USP30: variants seen among roughly 807,000 people sequenced by gnomAD.
USP30 encodes the protein ubiquitin specific peptidase 30, also known as ubiquitin carboxyl-terminal hydrolase 30.
A neutral mutation model predicts 68.2 loss-of-function variants in USP30; 41 were observed. The observed-to-expected ratio is 0.60, with a 90% CI of 0.47 to 0.78. USP30 has a LOEUF of 0.78. USP30 is among the 30% of genes least tolerant of loss of function. The pLI, the probability that USP30 is intolerant of heterozygous loss-of-function variation, is 0.00. For synonymous variants in USP30, 229 were observed against 253.7 expected, an observed-to-expected ratio of 0.90 and a Z score of 0.93; for missense variants, 522 against 649.4, an observed-to-expected ratio of 0.80 and a Z score of 2.13.
rs1566105466 is a variant in USP30 at position 109,081,619 on chromosome 12, GCGCGCACACA to G, written c.780+228_780+237del. 22 of 490,560 alleles carry G rather than the reference GCGCGCACACA, an allele frequency of 4.5e-5. No individual in the cohort carries two copies. In the African/African-American group the frequency reaches 5.7e-4, roughly 13 times the overall value. 30.4% of individuals were successfully genotyped at this position (490,560 alleles called of 1,614,324 possible). A position where few individuals can be genotyped will look rare whatever the true frequency, so the allele number is the denominator to read the frequency against. On this transcript the variant is annotated intron_variant, in intron 8 of 12. Transcript: ENST00000257548. ...GCTTTTTGAATACACACGCACGCATGCGCGCACACACACACACACACACACACACACACAC... is the reference window on the plus strand; with the variant it reads ...GCTTTTTGAATACACACGCACGCATGCACACACACACACACACACACACAC...
intron 3 of USP30, among the ~76,000 whole-genome samples, chr12:109,065,061 A>G (rs867810655): frequency 5.3e-5 from 8 of 152,232 alleles, no homozygotes; most frequent in African/African-American, 1.7e-4. Flanking sequence ...GTAAAGGAAT[A>G]AAAGAATGGC....
In USP30 at chr12:109,052,696, C is replaced by T. The variant is rs2040700907; in HGVS notation, c.18C>T (p.Ala6=). 5 of 1,485,676 alleles carry T rather than the reference C, an allele frequency of 3.4e-6. No homozygotes were observed. Among genetic ancestry groups the T allele is most frequent in the Non-Finnish European group, 4.5e-6 (5 of 1,121,242 alleles). The allele number at this position is 1,485,676 out of a possible 1,614,324, so 92.0% of individuals were successfully genotyped here. MLSSR[A]EAAMTAADRA... ...CGGCTGCAATGCTGAGCTCCCGGGC[C>T]GAGGCGGCGATGACCGCGGCCGACA... Residue 6 remains alanine, a synonymous_variant, in exon 1 of 13, where the codon GCC becomes GCT. Transcript: ENST00000257548.
At chr12:109,077,211 C>T (rs1273319601) in intron 7 of USP30, among the ~76,000 whole-genome samples, 6 of 152,190 alleles carry the variant, frequency 3.9e-5, no homozygotes, top group Non-Finnish European at 8.8e-5. Context: ...ATGTCTTTGT[C>T]AGGCTTTGTT....
At chr12:109,026,553 A>G (rs1190282217) in intron 2 of USP30, among the ~76,000 whole-genome samples, 1 of 150,898 alleles carries the variant, frequency 6.6e-6, no homozygotes, top group African/African-American at 2.4e-5. Context: ...TCAACCTCCC[A>G]AGCTCAAGTG....
At chr12:109,038,204 C>T (rs370667057) in intron 3 of USP30, among the ~76,000 whole-genome samples, 14 of 124,152 alleles carry the variant, frequency 1.1e-4, no homozygotes, top group Admixed American at 5.5e-4. Flanking sequence ...TGTTGGTTCC[C>T]GCCCCCCTCC....
At chr12:109,068,299 T>C (rs2041324117) in intron 4 of USP30, among the ~76,000 whole-genome samples, 1 of 152,166 alleles carries the variant, frequency 6.6e-6, no homozygotes, top group African/African-American at 2.4e-5. Context: ...TTGTCCAGCT[T>C]CGTGTAGGCG....
At chr12:109,030,701 C>G (rs1162268521) in intron 3 of USP30, among the ~76,000 whole-genome samples, 1 of 152,200 alleles carries the variant, frequency 6.6e-6, no homozygotes, top group Non-Finnish European at 1.5e-5. Flanking sequence ...ACTGCAACCT[C>G]TGCCTCCCAG....
chr12:109,023,495 C>T lies in USP30; in HGVS notation c.-498+328C>T, dbSNP rs1593215370. Among the ~76,000 whole-genome samples, 8 of 152,106 alleles carry T rather than the reference C, an allele frequency of 5.3e-5. No homozygotes were observed. The South Asian group carries it at 6.2e-4, about 12-fold the overall frequency. On this transcript the variant is annotated intron_variant, in intron 1 of 15. Transcript: ENST00000392784. Reference sequence around the variant, plus strand: ...GCTTGAAGCCAGGAAGCAGAGGTTGCAATGAGCTGAGATCGCGCCACTGCA... The same window carrying T: ...GCTTGAAGCCAGGAAGCAGAGGTTGTAATGAGCTGAGATCGCGCCACTGCA...
intron 3 of USP30, among the ~76,000 whole-genome samples, chr12:109,037,088 G>T (rs1207098478): frequency 6.6e-6 from 1 of 151,928 alleles, no homozygotes; most frequent in East Asian, 1.9e-4. Flanking sequence ...GAGTCCCACA[G>T]GTCTCTGAGC....
intron 3 of USP30, among the ~76,000 whole-genome samples, chr12:109,058,554 A>G (rs2135721342): frequency 6.7e-6 from 1 of 148,332 alleles, no homozygotes; most frequent in East Asian, 2.0e-4. Flanking sequence ...CCTGAGCAAC[A>G]AGAGCGAAAC....
Position 109,081,344 on chromosome 12 carries a change from G to A in USP30, c.731G>A (p.Arg244Gln), listed in dbSNP as rs755569330. ...CKHCEHQSPVRFDTFDSLSLS... is the reference protein window; with the variant it reads ...CKHCEHQSPVQFDTFDSLSLS... ...CAATATTTCTTTCAGAGTCCTGTTC[G>A]ATTTGATACCTTTGATAGCCTTTCA... Residue 244 changes from arginine to glutamine, a missense_variant, in exon 8 of 13, where the codon CGA becomes CAA. Transcript: ENST00000257548. 7.4e-6 allele frequency: 12 copies of A among 1,613,908 alleles called. No individual in the cohort carries two copies. Among genetic ancestry groups the A allele is most frequent in the South Asian group, 4.4e-5 (4 of 91,074 alleles).
At chr12:109,039,655 G>A (rs1348385200) in intron 3 of USP30, among the ~76,000 whole-genome samples, 2 of 151,856 alleles carry the variant, frequency 1.3e-5, no homozygotes, top group African/African-American at 4.8e-5. Flanking sequence ...CCTGTCACCA[G>A]GCTGTAGTTC....
At chr12:109,045,878 G>A (rs1445667525) in intron 3 of USP30, among the ~76,000 whole-genome samples, 2 of 152,112 alleles carry the variant, frequency 1.3e-5, no homozygotes, top group Non-Finnish European at 2.9e-5. Context: ...ACACATAGAC[G>A]TAGAACTAGA....
chr12:109,055,163 A>G (rs2040804134), intron 1 of USP30, among the ~76,000 whole-genome samples: 1 of 151,534 alleles, frequency 6.6e-6, no homozygotes, highest in Non-Finnish European at 1.5e-5. Flanking sequence ...TGTTGGGGAA[A>G]TTTCTTAATA....
intron 11 of USP30, among the ~76,000 whole-genome samples, chr12:109,084,584 G>A (rs189188675): frequency 2.8e-4 from 43 of 152,268 alleles, no homozygotes; most frequent in African/African-American, 9.9e-4. Flanking sequence ...CCGCAACAAA[G>A]AATGATCCAG....
At chr12:109,057,391 A>T (rs906500265) in intron 2 of USP30, among the ~76,000 whole-genome samples, 3 of 152,120 alleles carry the variant, frequency 2.0e-5, no homozygotes, top group Non-Finnish European at 4.4e-5. Context: ...AAGTTTTTTT[A>T]AAAGATTGCT....
chr12:109,063,644 C>T (rs146031889), intron 3 of USP30, among the ~76,000 whole-genome samples: 10 of 152,202 alleles, frequency 6.6e-5, no homozygotes, highest in African/African-American at 1.7e-4. Flanking sequence ...AGATGGTGCA[C>T]GATTTTATAA....
chr12:109,082,728 G>T lies in USP30; in HGVS notation c.933G>T (p.Gln311His), dbSNP rs369179779. 32 of 1,613,994 alleles carry T rather than the reference G, an allele frequency of 2.0e-5. No individual in the cohort carries two copies. Among genetic ancestry groups the T allele is most frequent in the Non-Finnish European group, 2.5e-5 (29 of 1,179,974 alleles). Residue 311 changes from glutamine (Q) to histidine (H), a missense_variant, in exon 10 of 13, where the codon CAG becomes CAT. Physicochemically the swap from Gln to His is conservative, Grantham distance 24. Coordinates refer to ENST00000257548, the MANE Select transcript of USP30 (RefSeq NM_032663.5). Reference sequence around the variant, plus strand: ...ACCAGAGGACCACTTTTGTTAAACAGTTAAAACTAGGGAAGGTGAGCCCAC... The same window carrying T: ...ACCAGAGGACCACTTTTGTTAAACATTTAAAACTAGGGAAGGTGAGCCCAC... ...VEHQRTTFVK[Q>H]LKLGKLPQCL...
At position 109,069,976 on chromosome 12, in the gene USP30, C is replaced by T. The variant is rs1193929190; in HGVS notation, c.481-1636C>T. Among the ~76,000 whole-genome samples the T allele has an allele frequency of 4.0e-5, 6 of 151,522 alleles. No homozygotes were observed. The South Asian group carries it at 6.3e-4, about 16-fold the overall frequency. ...GTGGAGAATGGCAGGGAGGCCAGGG[C>T]GGGGAGGGCGGTGGAGGAGAGGGGC... On this transcript the variant is annotated intron_variant, in intron 4 of 12. Coordinates refer to ENST00000257548, the MANE Select transcript of USP30 (RefSeq NM_032663.5).
Sources: allele counts gnomAD v4.1 joint callset (sites outside exome capture counted in the v4.1 genomes callset), GRCh38; gene constraint gnomAD v4.1.1; transcripts MANE v1.5; gene names NCBI Gene and HGNC (gene_info 2026-07-23, HGNC 2026-07-21).